GJC1: variants seen among roughly 807,000 people sequenced by gnomAD.
GJC1 encodes the protein gap junction protein gamma 1.
A neutral mutation model predicts 29.3 loss-of-function variants in GJC1; 5 were observed. The observed-to-expected ratio is 0.17, with a 90% CI of 0.09 to 0.36. The LOEUF is 0.36. Among genes scored for constraint, GJC1 ranks in the 10% least tolerant of loss-of-function variants. The pLI is 1.00. For missense variants in GJC1, 310 were observed against 496.2 expected, an observed-to-expected ratio of 0.62 and a Z score of 3.56; for synonymous variants, 177 against 183.3, an observed-to-expected ratio of 0.97 and a Z score of 0.28.
Position 44,804,340 on chromosome 17 carries a change from T to C in GJC1, c.*287A>G. The C allele has an allele frequency of 2.8e-6, 1 of 352,162 alleles. No individual in the cohort carries two copies. Among genetic ancestry groups the C allele is most frequent in the Non-Finnish European group, 5.1e-6 (1 of 195,784 alleles). 21.8% of individuals were successfully genotyped at this position (352,162 alleles called of 1,614,324 possible). On this transcript the variant is annotated 3_prime_UTR_variant, in exon 3 of 3. Transcript: ENST00000592524. Reference sequence around the variant, plus strand: ...ACCATAATACTGTACATACAAAAACTGTTCAACAAGAATGATTTAAATATG... The same window carrying C: ...ACCATAATACTGTACATACAAAAACCGTTCAACAAGAATGATTTAAATATG...
rs371253918 is a variant in GJC1, at chr17:44,803,662, T to C, written c.*965A>G. 1.6e-4 allele frequency: 24 copies of C among 152,334 alleles called. No individual in the cohort carries two copies. The highest frequency in any genetic ancestry group is 5.5e-4 in the African/African-American group (23 of 41,576). The allele number at this position is 152,334 out of a possible 1,614,324, so 9.4% of individuals were successfully genotyped here. A position where few individuals can be genotyped will look rare whatever the true frequency, so the allele number is the denominator to read the frequency against. On this transcript the variant is annotated 3_prime_UTR_variant, in exon 3 of 3. Transcript: ENST00000592524. ...TGTTAACAAAGAAAATATCCACCAC[T>C]GGCTTCTTAACCAGACGGAAGCGGG...
In GJC1 at chr17:44,819,659, A is replaced by AAAATAAAT. The variant is rs199517100; in HGVS notation, c.-97+10395_-97+10402dup. 7.1e-3 allele frequency among the ~76,000 whole-genome samples: 1,032 copies of AAAATAAAT among 146,230 alleles called. 7 individuals carry two copies. Among genetic ancestry groups the AAAATAAAT allele is most frequent in the African/African-American group, 0.014 (567 of 39,498 alleles). ...GGCGACAGAGCGAGACTCCGTCTCA[A>AAAATAAAT]AAATAAATAAATAAATAAATAAATA... On this transcript the variant is annotated intron_variant, in intron 1 of 2. Coordinates refer to ENST00000592524, the MANE Select transcript of GJC1 (RefSeq NM_005497.4).
chr17:44,818,925 TG>T (rs1373712255), intron 1 of GJC1, among the ~76,000 whole-genome samples: 6 of 152,022 alleles, frequency 3.9e-5, no homozygotes, highest in African/African-American at 1.4e-4. Context: ...CTAGACAACA[TG>T]GCGAGACCCC....
At chr17:44,827,461 C>T (rs971952564) in intron 1 of GJC1, among the ~76,000 whole-genome samples, 2 of 152,078 alleles carry the variant, frequency 1.3e-5, no homozygotes, top group African/African-American at 4.8e-5. Context: ...AATAAGTAAT[C>T]ATACCCCCTA....
intron 1 of GJC1, among the ~76,000 whole-genome samples, chr17:44,814,800 G>C (rs549580698): frequency 1.1e-4 from 17 of 152,216 alleles, no homozygotes; most frequent in African/African-American, 3.9e-4. Flanking sequence ...AAAATTAGCT[G>C]GGCGTGGTGG....
At chr17:44,797,212 T>C (rs2049789289), downstream of GJC1, among the ~76,000 whole-genome samples, 1 of 151,416 alleles carries the variant, frequency 6.6e-6, no homozygotes, top group African/African-American at 2.4e-5. Flanking sequence ...TTCACGCCAT[T>C]CTCCTGCCTC....
At chr17:44,797,264 G>T (rs1028027131), downstream of GJC1, among the ~76,000 whole-genome samples, 5 of 151,896 alleles carry the variant, frequency 3.3e-5, no homozygotes, top group African/African-American at 9.7e-5. Context: ...CGCCACCATG[G>T]CCGGCTAATT....
Position 44,805,849 on chromosome 17 carries a change from G to T in GJC1, c.-20-12C>A. The T allele has an allele frequency of 8.4e-7, 1 of 1,194,810 alleles. No individual in the cohort carries two copies. The highest frequency in any genetic ancestry group is 2.4e-5 in the East Asian group (1 of 41,344). 74.0% of individuals were successfully genotyped at this position (1,194,810 alleles called of 1,614,324 possible). On this transcript the variant is annotated splice_polypyrimidine_tract_variant and intron_variant, in intron 2 of 2. Transcript: ENST00000592524. This position sits in a 1 kb window ranked among gnomAD's most constrained non-coding sequence, Gnocchi z 5.1. Reference sequence around the variant, plus strand: ...TGAATTGGTATGCCCTGATAAAAGTGGAAAAATACCAAAATAAAATCAACA... The same window carrying T: ...TGAATTGGTATGCCCTGATAAAAGTTGAAAAATACCAAAATAAAATCAACA...
intron 1 of GJC1, among the ~76,000 whole-genome samples, chr17:44,809,507 G>C (rs898877855): frequency 2.0e-5 from 3 of 151,750 alleles, no homozygotes; most frequent in African/African-American, 7.3e-5. Flanking sequence ...CCAAAATTAT[G>C]AAAATACAAT....
At chr17:44,795,422 C>T (rs2014313), downstream of GJC1, among the ~76,000 whole-genome samples, 48,359 of 152,018 alleles carry the variant, frequency 0.32, 8,731 homozygotes, top group East Asian at 0.51. Flanking sequence ...TTAGTAGAGA[C>T]GGGGTTTCAC....
chr17:44,830,488 G>C (rs1369507881), upstream of GJC1: 1 of 395,036 alleles, frequency 2.5e-6, no homozygotes, highest in African/African-American at 2.1e-5. The surrounding 1 kb of genome is among the most constrained non-coding windows in gnomAD (Gnocchi z 4.3). Flanking sequence ...GCGCGCGTGG[G>C]AGTCACCCGC....
At chr17:44,829,448 T>TA (rs1162091700) in intron 1 of GJC1, 9 of 152,338 alleles carry the variant, frequency 5.9e-5, no homozygotes, top group African/African-American at 2.2e-4. Flanking sequence ...GACAACGAGT[T>TA]AATCAGGAGG....
chr17:44,811,184 C>T (rs530837066), intron 1 of GJC1, among the ~76,000 whole-genome samples: 3 of 152,070 alleles, frequency 2.0e-5, no homozygotes, highest in Admixed American at 1.3e-4. Flanking sequence ...TGGGTTCAAG[C>T]GATTCTCCTG....
chr17:44,804,324 C>A lies in GJC1; in HGVS notation c.*303G>T. 6 of 282,836 alleles carry A rather than the reference C, an allele frequency of 2.1e-5. No homozygotes were observed. The highest frequency in any genetic ancestry group is 4.4e-5 in the African/African-American group (2 of 45,552). 17.5% of individuals were successfully genotyped at this position (282,836 alleles called of 1,614,324 possible). On this transcript the variant is annotated 3_prime_UTR_variant, in exon 3 of 3. Transcript: ENST00000592524. ...CTAAAAAAAAAAAAGTACCATAATA[C>A]TGTACATACAAAAACTGTTCAACAA...
downstream of GJC1, among the ~76,000 whole-genome samples, chr17:44,796,683 C>T (rs2049785116): frequency 6.6e-6 from 1 of 152,096 alleles, no homozygotes; most frequent in South Asian, 2.1e-4. Flanking sequence ...TAACTGTATG[C>T]ATTTCTAACT....
At chr17:44,817,003 G>A (rs916662686) in intron 1 of GJC1, among the ~76,000 whole-genome samples, 6 of 151,756 alleles carry the variant, frequency 4.0e-5, no homozygotes, top group African/African-American at 1.5e-4. Flanking sequence ...CTGAAGTCAG[G>A]AGTTCGAGAC....
intron 1 of GJC1, among the ~76,000 whole-genome samples, chr17:44,825,780 A>G (rs199686435): frequency 5.5e-5 from 3 of 54,212 alleles, no homozygotes; most frequent in African/African-American, 1.2e-4. Flanking sequence ...GTCTCAAAAG[A>G]AAAAAAAAAA....
At chr17:44,813,532 G>T (rs935652759) in intron 1 of GJC1, among the ~76,000 whole-genome samples, 2 of 111,904 alleles carry the variant, frequency 1.8e-5, no homozygotes, top group Non-Finnish European at 3.4e-5. Context: ...TCTCTCTGTC[G>T]CCCAGGCTGG....
chr17:44,829,989 A>G (rs2050213665), intron 1 of GJC1, 73 bp downstream of exon 1: 1 of 151,240 alleles, frequency 6.6e-6, no homozygotes, highest in African/African-American at 2.4e-5. Context: ...GCTCCCCAAG[A>G]GTTCTCCCGC....
Sources: gnomAD v4.1 joint callset for allele counts (sites outside exome capture counted in the v4.1 genomes callset) on GRCh38, gnomAD v4.1.1 for gene constraint, Gnocchi (gnomAD v3.1) non-coding constraint, MANE v1.5 for transcripts, NCBI Gene and HGNC (gene_info 2026-07-23, HGNC 2026-07-21) for gene names.